The following CPB2 variants were observed in gnomAD, a reference collection of about 807,000 sequenced individuals.
CPB2 encodes carboxypeptidase B2.
Under a neutral mutation model 57.0 loss-of-function variants are expected in CPB2, and 54 were observed. The ratio of observed to expected loss-of-function variants is 0.95; its 90% CI spans 0.76 to 1.19. The LOEUF (loss-of-function observed/expected upper bound fraction) is 1.19, where lower values mean the gene tolerates loss of function less well. CPB2 is among the 50% of genes most tolerant of loss of function. The pLI, the probability that CPB2 is intolerant of heterozygous loss-of-function variation, is 0.00. For missense variants in CPB2, 426 were observed against 512.0 expected, an observed-to-expected ratio of 0.83 and a Z score of 1.62; for synonymous variants, 189 against 178.1, an observed-to-expected ratio of 1.06 and a Z score of -0.49.
intron 1 of CPB2, chr13:46,100,310 T>A (rs2045418362): frequency 6.6e-6 from 1 of 152,216 alleles, no homozygotes; most frequent in Admixed American, 6.5e-5. Flanking sequence ...GTGAACAGAC[T>A]CTTCTTATGC....
intron 1 of CPB2, among the ~76,000 whole-genome samples, chr13:46,090,294 G>A (rs1329530086): frequency 6.6e-6 from 1 of 150,722 alleles, no homozygotes; most frequent in East Asian, 1.9e-4. Context: ...AATTTGGAAA[G>A]AACAGATATA....
chr13:46,083,790 T>TA (rs1159927355), intron 3 of CPB2, among the ~76,000 whole-genome samples: 16 of 152,234 alleles, frequency 1.1e-4, no homozygotes, highest in African/African-American at 3.6e-4. Flanking sequence ...AACCACCTGT[T>TA]ACACTTTTTA....
intron 7 of CPB2, among the ~76,000 whole-genome samples, chr13:46,065,253 C>A (rs896999929): frequency 2.0e-5 from 3 of 152,152 alleles, no homozygotes; most frequent in Non-Finnish European, 2.9e-5. Flanking sequence ...TTCGATTGTG[C>A]TGATTTGACT....
At chr13:46,071,705 CAGG>C (rs1489412555) in intron 6 of CPB2, among the ~76,000 whole-genome samples, 2 of 152,082 alleles carry the variant, frequency 1.3e-5, no homozygotes, top group Non-Finnish European at 2.9e-5. Flanking sequence ...TTGGTAGTAT[CAGG>C]AGAAGAGAAT....
At chr13:46,095,434 C>G (rs1481679332) in intron 1 of CPB2, among the ~76,000 whole-genome samples, 1 of 152,196 alleles carries the variant, frequency 6.6e-6, no homozygotes, top group Admixed American at 6.5e-5. Context: ...AATTTGCCAT[C>G]TGGATCCCAC....
At chr13:46,077,750 T>C (rs2045045459) in intron 5 of CPB2, among the ~76,000 whole-genome samples, 1 of 152,066 alleles carries the variant, frequency 6.6e-6, no homozygotes. Flanking sequence ...ATGTGGAAAA[T>C]GTGGATAACA....
Position 46,095,382 on chromosome 13 carries a change from C to A in CPB2, c.75-7562G>T, listed in dbSNP as rs553946400. On this transcript the variant is annotated intron_variant, in intron 1 of 10. Transcript: ENST00000181383. ...AAATATCAGTACCACCCTTAAAGACCTAAAAGATGCAGGGATGATAGATCC... is the reference window on the plus strand; with the variant it reads ...AAATATCAGTACCACCCTTAAAGACATAAAAGATGCAGGGATGATAGATCC... 1.2e-3 allele frequency among the ~76,000 whole-genome samples: 179 copies of A among 152,104 alleles called. 1 individual carries two copies. The Middle Eastern group carries it at 0.031, about 26-fold the overall frequency.
Position 46,066,571 on chromosome 13 carries a change from G to A in CPB2, c.702+736C>T, listed in dbSNP as rs540542853. On this transcript the variant is annotated intron_variant, in intron 7 of 10. Coordinates refer to ENST00000181383, the MANE Select transcript of CPB2 (RefSeq NM_001872.5). The stretch of plus-strand genomic sequence containing the variant: ...TTTTTAAAAAGTTAGGAGGCCGGGC[G>A]AGGTGGCTCATGCCTGTAATCTCAG... 1.6e-4 allele frequency among the ~76,000 whole-genome samples: 24 copies of A among 152,274 alleles called. 1 individual carries two copies. The highest frequency in any genetic ancestry group is 2.6e-4 in the African/African-American group (11 of 41,576).
At chr13:46,088,629 A>T (rs1297939219) in intron 1 of CPB2, among the ~76,000 whole-genome samples, 1 of 152,186 alleles carries the variant, frequency 6.6e-6, no homozygotes, top group African/African-American at 2.4e-5. Flanking sequence ...GTAGCAGTGG[A>T]AAAGATTTCC....
At chr13:46,075,070 A>G (rs2045001846) in intron 5 of CPB2, among the ~76,000 whole-genome samples, 1 of 152,188 alleles carries the variant, frequency 6.6e-6, no homozygotes, top group African/African-American at 2.4e-5. Context: ...AAGGGAGAAG[A>G]CTGTTGTAAA....
chr13:46,071,067 T>A (rs529174841), intron 6 of CPB2, among the ~76,000 whole-genome samples: 4 of 152,298 alleles, frequency 2.6e-5, no homozygotes, highest in African/African-American at 9.6e-5. Context: ...AGTATGATAA[T>A]AAACAATGGC....
Position 46,078,800 on chromosome 13 carries a change from C to T in CPB2, c.486G>A (p.Lys162=). 1 of 1,588,104 alleles carries T rather than the reference C, an allele frequency of 6.3e-7. No individual in the cohort carries two copies. Among genetic ancestry groups the T allele is most frequent in the Non-Finnish European group, 8.6e-7 (1 of 1,156,808 alleles). Residue 162 remains lysine (K), a splice_region_variant and synonymous_variant, in exon 5 of 11, where the codon AAG becomes AAA. Transcript: ENST00000181383. ...ATCAACAACTTTCCCCACAACATAC[C>T]TTTAAAACATAGAGTGGGTACTTCT... ...SFEKYPLYVL[K]VSGKEQAAKN... is the part of the protein sequence containing the mutation.
chr13:46,073,057 T>G (rs1472938049), intron 6 of CPB2, among the ~76,000 whole-genome samples: 1 of 152,196 alleles, frequency 6.6e-6, no homozygotes, highest in East Asian at 1.9e-4. Flanking sequence ...GGATGTTGCA[T>G]TTGTCAAGGT....
At chr13:46,058,406 A>T in intron 8 of CPB2, 25 bp from the exon 9 acceptor site, 2 of 1,600,546 alleles carry the variant, frequency 1.2e-6, no homozygotes, top group Non-Finnish European at 1.7e-6. Flanking sequence ...TTAAGGTGAA[A>T]TTATGAGGGG....
At chr13:46,104,824 G>A in intron 1 of CPB2, 112 bp downstream of exon 1, 1 of 1,231,240 alleles carries the variant, frequency 8.1e-7, no homozygotes, top group Non-Finnish European at 1.2e-6. Context: ...TGAAAGACCT[G>A]GCCTTCAAAG....
intron 1 of CPB2, chr13:46,096,602 A>G (rs1174540193): frequency 6.6e-6 from 1 of 152,080 alleles, no homozygotes; most frequent in Admixed American, 6.6e-5. Flanking sequence ...ATATGGTGAA[A>G]TCCCATCTCT....
chr13:46,091,600 T>C (rs1419936929), intron 1 of CPB2, among the ~76,000 whole-genome samples: 2 of 152,170 alleles, frequency 1.3e-5, no homozygotes, highest in Non-Finnish European at 2.9e-5. Context: ...AGCATATGGG[T>C]TTTCTGGCTT....
At chr13:46,062,552 T>C (rs2044790890) in intron 8 of CPB2, among the ~76,000 whole-genome samples, 1 of 152,184 alleles carries the variant, frequency 6.6e-6, no homozygotes, top group African/African-American at 2.4e-5. Context: ...CACGAGTGGT[T>C]TTTTAGGGAG....
chr13:46,096,868 G>T (rs76428396), intron 1 of CPB2, among the ~76,000 whole-genome samples: 2 of 152,184 alleles, frequency 1.3e-5, no homozygotes, highest in African/African-American at 4.8e-5. Context: ...TCCCAAATAG[G>T]CAGAGCTTCA....
Sources: allele counts gnomAD v4.1 joint callset (sites outside exome capture counted in the v4.1 genomes callset), GRCh38; gene constraint gnomAD v4.1.1; transcripts MANE v1.5; gene names NCBI Gene and HGNC (gene_info 2026-07-23, HGNC 2026-07-21).